The following NKAIN2 variants were observed in gnomAD, a reference collection of about 807,000 sequenced individuals.
NKAIN2 encodes sodium/potassium transporting ATPase interacting 2.
A neutral mutation model predicts 32.6 loss-of-function variants in NKAIN2; 14 were observed. That is an observed-to-expected ratio of 0.43 (90% CI 0.28 to 0.67). NKAIN2 has a LOEUF of 0.67. NKAIN2 is among the 30% of genes least tolerant of loss of function. The probability of loss-of-function intolerance (pLI) is 0.17; values close to 1 mark genes in which losing one functional copy is unlikely to be tolerated. For missense variants in NKAIN2, 198 were observed against 258.3 expected (o/e 0.77, Z 1.60); for synonymous variants, 80 against 87.2 (o/e 0.92, Z 0.46).
At chr6:124,617,315 C>T (rs1307141446) in intron 3 of NKAIN2, among the ~76,000 whole-genome samples, 3 of 152,154 alleles carry the variant, frequency 2.0e-5, no homozygotes, top group South Asian at 4.1e-4. Context: ...TATCTATTCT[C>T]GCATTTTTCT....
At chr6:124,390,859 T>C (rs1773110479) in intron 3 of NKAIN2, 1 of 152,028 alleles carries the variant, frequency 6.6e-6, no homozygotes, top group South Asian at 2.1e-4. Flanking sequence ...CCTGCATCTA[T>C]TCCTGTAGAC....
Position 124,710,178 on chromosome 6 carries a change from G to T in NKAIN2, c.474+51792G>T, listed in dbSNP as rs879284593. Among the ~76,000 whole-genome samples, 68 of 151,896 alleles carry T rather than the reference G, an allele frequency of 4.5e-4. 1 individual carries two copies. The highest frequency in any genetic ancestry group is 1.5e-3 in the African/African-American group (61 of 41,422). On this transcript the variant is annotated intron_variant, in intron 4 of 6. Coordinates refer to ENST00000368417, the MANE Select transcript of NKAIN2 (RefSeq NM_001040214.3). Reference sequence around the variant, plus strand: ...CTTAATCCTGAGTTCTAGTTTGATTGCACTGTGGTCTGAGAGATAGTTTGT... The same window carrying T: ...CTTAATCCTGAGTTCTAGTTTGATTTCACTGTGGTCTGAGAGATAGTTTGT...
chr6:124,798,205 C>T (rs546181252), intron 5 of NKAIN2, among the ~76,000 whole-genome samples: 1 of 152,166 alleles, frequency 6.6e-6, no homozygotes, highest in Non-Finnish European at 1.5e-5. Context: ...ACTCTTCAAA[C>T]ATAATCTAAG....
chr6:123,878,461 G>A (rs890875886), intron 1 of NKAIN2, among the ~76,000 whole-genome samples: 4 of 151,692 alleles, frequency 2.6e-5, no homozygotes, highest in Admixed American at 1.3e-4. Flanking sequence ...AATTTTGTCC[G>A]GACTTCTATT....
chr6:123,996,058 T>C (rs1255209729), intron 1 of NKAIN2, among the ~76,000 whole-genome samples: 1 of 152,072 alleles, frequency 6.6e-6, no homozygotes, highest in Non-Finnish European at 1.5e-5. Flanking sequence ...AGGTATGAAG[T>C]CTAAAAGCTT....
At chr6:124,413,923 C>G (rs1187462355) in intron 3 of NKAIN2, among the ~76,000 whole-genome samples, 1 of 151,946 alleles carries the variant, frequency 6.6e-6, no homozygotes, top group Non-Finnish European at 1.5e-5. Flanking sequence ...TCCAGAAGCA[C>G]TTTTTGTAGA....
At chr6:124,550,949 T>C in intron 3 of NKAIN2, among the ~76,000 whole-genome samples, 1 of 152,116 alleles carries the variant, frequency 6.6e-6, no homozygotes, top group Middle Eastern at 3.2e-3. Flanking sequence ...ATAGAGATGA[T>C]ATTAGAGAGT....
At chr6:124,814,735 C>G (rs956068384) in intron 5 of NKAIN2, among the ~76,000 whole-genome samples, 1 of 152,100 alleles carries the variant, frequency 6.6e-6, no homozygotes, top group Non-Finnish European at 1.5e-5. Flanking sequence ...CTGACTCAAG[C>G]TTTGCTGTCC....
In NKAIN2 at chr6:123,929,469, T is replaced by C. The variant is rs149604509; in HGVS notation, c.54+125215T>C. On this transcript the variant is annotated intron_variant, in intron 1 of 6. Coordinates refer to ENST00000368417, the MANE Select transcript of NKAIN2 (RefSeq NM_001040214.3). ...ATGAAATGACTCTGTTTCATATCTT[T>C]TTTTGAGACTGCCTTACACAGTAGC... Among the ~76,000 whole-genome samples the C allele has an allele frequency of 2.1e-4, 32 of 152,244 alleles. No individual in the cohort carries two copies. The East Asian group carries it at 4.8e-3, about 23-fold the overall frequency.
At chr6:123,962,594 G>A (rs1192704472) in intron 1 of NKAIN2, among the ~76,000 whole-genome samples, 3 of 152,068 alleles carry the variant, frequency 2.0e-5, no homozygotes, top group Non-Finnish European at 2.9e-5. Flanking sequence ...GCAAGTCACC[G>A]AATTTCACTT....
intron 1 of NKAIN2, among the ~76,000 whole-genome samples, chr6:124,222,734 A>T (rs1304905135): frequency 6.6e-6 from 1 of 152,166 alleles, no homozygotes; most frequent in Non-Finnish European, 1.5e-5. Flanking sequence ...ATAAGTAAGG[A>T]ATACTGAAAG....
intron 3 of NKAIN2, among the ~76,000 whole-genome samples, chr6:124,475,661 C>T (rs985670300): frequency 1.3e-5 from 2 of 152,094 alleles, no homozygotes; most frequent in African/African-American, 4.8e-5. Flanking sequence ...GGTAGTTTTC[C>T]TTTCTCTGCA....
intron 3 of NKAIN2, among the ~76,000 whole-genome samples, chr6:124,452,272 G>A (rs1776141474): frequency 1.3e-5 from 2 of 151,314 alleles, no homozygotes; most frequent in Non-Finnish European, 2.9e-5. Flanking sequence ...GGGGTATTGT[G>A]TACTGAGTTG....
chr6:124,040,596 A>G (rs2114808419), intron 1 of NKAIN2, among the ~76,000 whole-genome samples: 1 of 152,114 alleles, frequency 6.6e-6, no homozygotes, highest in Non-Finnish European at 1.5e-5. Context: ...CCATTTACTA[A>G]GTATTTATCA....
At chr6:123,857,898 G>A (rs1775618433) in intron 1 of NKAIN2, among the ~76,000 whole-genome samples, 1 of 150,400 alleles carries the variant, frequency 6.6e-6, no homozygotes, top group African/African-American at 2.4e-5. Flanking sequence ...GAGTGAGAAT[G>A]ACACAGATTA....
At chr6:123,804,857 C>T (rs1452923487) in intron 1 of NKAIN2, among the ~76,000 whole-genome samples, 6 of 152,168 alleles carry the variant, frequency 3.9e-5, no homozygotes, top group African/African-American at 1.4e-4. Flanking sequence ...AACTCAGCAA[C>T]ACCATTGTCA....
At chr6:123,966,880 G>T (rs1778104080) in intron 1 of NKAIN2, among the ~76,000 whole-genome samples, 1 of 152,112 alleles carries the variant, frequency 6.6e-6, no homozygotes, top group African/African-American at 2.4e-5. Context: ...CATGGTTCCA[G>T]CTCTCATGAC....
At chr6:124,487,911 A>G (rs1777716815) in intron 3 of NKAIN2, among the ~76,000 whole-genome samples, 1 of 152,032 alleles carries the variant, frequency 6.6e-6, no homozygotes, top group South Asian at 2.1e-4. Flanking sequence ...TTTAAGTTTT[A>G]TTGAATAAAC....
intron 1 of NKAIN2, among the ~76,000 whole-genome samples, chr6:123,893,470 A>G (rs1386966152): frequency 6.6e-6 from 1 of 152,140 alleles, no homozygotes; most frequent in African/African-American, 2.4e-5. Context: ...CCCTCCTATA[A>G]TGGTAGGATT....
Sources: allele counts gnomAD v4.1 joint callset (sites outside exome capture counted in the v4.1 genomes callset), GRCh38; gene constraint gnomAD v4.1.1; transcripts MANE v1.5; gene names NCBI Gene and HGNC (gene_info 2026-07-23, HGNC 2026-07-21).